LUC7L3: variants seen among roughly 807,000 people sequenced by gnomAD.
LUC7L3 encodes luc7-like protein 3.
In LUC7L3, 6 loss-of-function variants were observed where a neutral mutation model predicts 66.8. That is an observed-to-expected ratio of 0.09 (90% CI 0.05 to 0.18). The LOEUF is 0.18. Ranked by LOEUF, LUC7L3 falls within the 10% of genes least tolerant of loss-of-function variation. The pLI, the probability that LUC7L3 is intolerant of heterozygous loss-of-function variation, is 1.00. For missense variants in LUC7L3, 341 were observed against 531.1 expected, an observed-to-expected ratio of 0.64 and a Z score of 3.52; for synonymous variants, 160 against 174.7, an observed-to-expected ratio of 0.92 and a Z score of 0.66.
intron 1 of LUC7L3, chr17:50,724,242 G>T (rs1289710500): frequency 3.2e-5 from 6 of 186,394 alleles, no homozygotes; most frequent in Admixed American, 5.9e-5. Flanking sequence ...AAACATAGCC[G>T]ACCGGGCATG....
At chr17:50,731,594 G>C (rs904879568) in intron 1 of LUC7L3, among the ~76,000 whole-genome samples, 2 of 152,200 alleles carry the variant, frequency 1.3e-5, no homozygotes, top group Non-Finnish European at 2.9e-5. Context: ...AGAGTTAAAA[G>C]AAGCAGTCCA....
At chr17:50,743,235 A>G (rs945460054) in intron 5 of LUC7L3, among the ~76,000 whole-genome samples, 6 of 151,264 alleles carry the variant, frequency 4.0e-5, no homozygotes, top group South Asian at 2.1e-4. Context: ...GTCTCACGTC[A>G]TCATCCAGGC....
In LUC7L3 at chr17:50,740,293, T is replaced by C. The variant is rs370041440; in HGVS notation, c.167-13T>C. ...ATCACAGATAATTTATACAATTATATTTTTTCCCCCAGGTCCGTGTGAAAA... is the reference window on the plus strand; with the variant it reads ...ATCACAGATAATTTATACAATTATACTTTTTCCCCCAGGTCCGTGTGAAAA... On this transcript the variant is annotated splice_polypyrimidine_tract_variant and intron_variant, in intron 2 of 9. Transcript: ENST00000505658. The C allele has an allele frequency of 1.2e-5, 19 of 1,584,666 alleles. No homozygotes were observed. Among genetic ancestry groups the C allele is most frequent in the African/African-American group, 9.5e-5 (7 of 73,538 alleles).
intron 4 of LUC7L3, 196 bp downstream of exon 4, chr17:50,741,442 TTTG>T (rs1597925789): frequency 2.8e-6 from 2 of 715,528 alleles, no homozygotes; most frequent in Non-Finnish European, 4.4e-6. Context: ...AAGATTTTTC[TTTG>T]TTTTTATTTT....
chr17:50,744,341 T>C (rs1032531086), intron 6 of LUC7L3, among the ~76,000 whole-genome samples: 14 of 152,234 alleles, frequency 9.2e-5, no homozygotes, highest in Admixed American at 9.2e-4. Flanking sequence ...TCCTTGAACC[T>C]AAGCAAGGAA....
In LUC7L3 at chr17:50,753,559, C is replaced by T. The variant is rs1369810527; in HGVS notation, c.*2898C>T. 3 of 152,110 alleles carry T rather than the reference C, an allele frequency of 2.0e-5. No individual in the cohort carries two copies. The highest frequency in any genetic ancestry group is 4.4e-5 in the Non-Finnish European group (3 of 68,024). The allele number at this position is 152,110 out of a possible 1,614,324, so 9.4% of individuals were successfully genotyped here. On this transcript the variant is annotated 3_prime_UTR_variant, in exon 10 of 10. Transcript: ENST00000505658. The stretch of plus-strand genomic sequence containing the variant: ...GGCTCCCTAGCTGATCCTGGAGATG[C>T]AGCAATAGATGAATGGGTTATCTCT...
At chr17:50,749,582 A>G (rs1400012920) in intron 9 of LUC7L3, among the ~76,000 whole-genome samples, 1 of 152,220 alleles carries the variant, frequency 6.6e-6, no homozygotes, top group Non-Finnish European at 1.5e-5. Flanking sequence ...ATAACTGTGC[A>G]GAAACTATGT....
intron 2 of LUC7L3, 55 bp from the exon 3 acceptor site, chr17:50,740,251 A>G (rs2146748092): frequency 7.6e-7 from 1 of 1,324,382 alleles, no homozygotes; most frequent in Non-Finnish European, 1.1e-6. Flanking sequence ...TTTTTTGGCA[A>G]GAAAAGGTTG....
At chr17:50,723,496 C>G (rs1056807624) in intron 1 of LUC7L3, 1 of 152,114 alleles carries the variant, frequency 6.6e-6, no homozygotes, top group Non-Finnish European at 1.5e-5. Flanking sequence ...AATTTGGGAG[C>G]AAAAATTGAA....
intron 3 of LUC7L3, 152 bp downstream of exon 3, chr17:50,740,497 A>G: frequency 1.5e-6 from 1 of 681,252 alleles, no homozygotes. Context: ...CTATAGCTTC[A>G]GTAATGATAC....
Position 50,719,828 on chromosome 17 carries a change from G to A in LUC7L3, c.96G>A (p.Glu32=), listed in dbSNP as rs1333459011. 3 of 1,583,968 alleles carry A rather than the reference G, an allele frequency of 1.9e-6. No homozygotes were observed. ...EKRSNVRWDH[E]SVCKYYLCGF... ...GCAGCAACGTGCGGTGGGACCACGA[G>A]AGCGTAAGTCCCGCGGGCCTTGGCC... Residue 32 remains glutamate, a synonymous_variant, in exon 1 of 10, where the codon GAG becomes GAA. Transcript: ENST00000505658.
At position 50,743,759 on chromosome 17, in the gene LUC7L3, A is replaced by G. The variant is rs761005822; in HGVS notation, c.480A>G (p.Lys160=). 7 of 1,614,062 alleles carry G rather than the reference A, an allele frequency of 4.3e-6. No individual in the cohort carries two copies. Among genetic ancestry groups the G allele is most frequent in the Middle Eastern group, 1.7e-4 (1 of 6,060 alleles). ...TAGAAGAAGCCCAGGGGATGATGAA[A>G]TTAGTTGAGCAATTAAAAGAAGAGA... is the stretch of plus-strand genomic sequence containing the variant. ...GKVEEAQGMM[K]LVEQLKEERE... The change falls in exon 6 of 10, where the codon AAA becomes AAG. Residue 160 remains lysine (K), a synonymous_variant. Transcript: ENST00000505658.
At chr17:50,730,650 T>A (rs1969543572) in intron 1 of LUC7L3, among the ~76,000 whole-genome samples, 1 of 151,884 alleles carries the variant, frequency 6.6e-6, no homozygotes, top group South Asian at 2.1e-4. Flanking sequence ...CATTAAGATG[T>A]CCTTAATGGG....
intron 3 of LUC7L3, among the ~76,000 whole-genome samples, chr17:50,740,598 G>T (rs1349272731): frequency 1.3e-5 from 2 of 151,748 alleles, no homozygotes; most frequent in Non-Finnish European, 1.5e-5. Flanking sequence ...TCACTGTGTC[G>T]CTCAGGCTGG....
At position 50,756,127 on chromosome 17, in the gene LUC7L3, C is replaced by T. The variant is rs745530237; in HGVS notation, c.*5466C>T. The T allele has an allele frequency of 6.0e-5, 9 of 149,302 alleles. No homozygotes were observed. The highest frequency in any genetic ancestry group is 1.3e-4 in the Non-Finnish European group (9 of 68,006). 9.2% of individuals were successfully genotyped at this position (149,302 alleles called of 1,614,324 possible). A position where few individuals can be genotyped will look rare whatever the true frequency, so the allele number is the denominator to read the frequency against. On this transcript the variant is annotated 3_prime_UTR_variant, in exon 10 of 10. Coordinates refer to ENST00000505658, the MANE Select transcript of LUC7L3 (RefSeq NM_016424.5). ...AACTGGTGAGGGTCTGTTTCTGAAG[C>T]CTGTGGGCATTTCCTTTTTTAATCT...
At position 50,728,073 on chromosome 17, in the gene LUC7L3, G is replaced by A. The variant is rs532644272; in HGVS notation, c.99+8242G>A. Reference sequence around the variant, plus strand: ...GCGGAGCTTGCAGTGAGCCGAGATCGCGCCACTGCACTCCAGCATGGGCGA... The same window carrying A: ...GCGGAGCTTGCAGTGAGCCGAGATCACGCCACTGCACTCCAGCATGGGCGA... On this transcript the variant is annotated intron_variant, in intron 1 of 9. Transcript: ENST00000505658. Among the ~76,000 whole-genome samples, 19 of 150,430 alleles carry A rather than the reference G, an allele frequency of 1.3e-4. No homozygotes were observed. In the East Asian group the frequency reaches 2.1e-3, roughly 17 times the overall value.
intron 1 of LUC7L3, chr17:50,723,799 G>T (rs557795754): frequency 5.9e-6 from 2 of 339,438 alleles, no homozygotes; most frequent in East Asian, 9.3e-5. Flanking sequence ...ACCACGCCCG[G>T]CTAATTTTTG....
rs1161608486 is a variant in LUC7L3 at position 50,753,187 on chromosome 17, C to A, written c.*2526C>A. 1 of 152,424 alleles carries A rather than the reference C, an allele frequency of 6.6e-6. No homozygotes were observed. The highest frequency in any genetic ancestry group is 6.6e-5 in the Admixed American group (1 of 15,266). The allele number at this position is 152,424 out of a possible 1,614,324, so 9.4% of individuals were successfully genotyped here. On this transcript the variant is annotated 3_prime_UTR_variant, in exon 10 of 10. Coordinates refer to ENST00000505658, the MANE Select transcript of LUC7L3 (RefSeq NM_016424.5). ...TGTTTCTATCTATAGCCAGCTTCTT[C>A]GACTGTATAAAAGTATTCTCTCCAG...
At chr17:50,743,901 C>G (rs1970505489) in intron 6 of LUC7L3, 91 bp downstream of exon 6, 2 of 950,960 alleles carry the variant, frequency 2.1e-6, no homozygotes, top group Admixed American at 2.3e-5. Flanking sequence ...AACTGATGTT[C>G]CAAACTTAGA....
Sources: gnomAD v4.1 joint callset for allele counts (sites outside exome capture counted in the v4.1 genomes callset) on GRCh38, gnomAD v4.1.1 for gene constraint, MANE v1.5 for transcripts, NCBI Gene and HGNC (gene_info 2026-07-23, HGNC 2026-07-21) for gene names.